Variants in PXDNL observed in about 807,000 individuals in gnomAD.
The protein encoded by PXDNL is probable oxidoreductase PXDNL.
PXDNL carries 145 observed loss-of-function variants against 150.8 expected under a neutral mutation model. The observed-to-expected ratio is 0.96, with a 90% CI of 0.84 to 1.10. PXDNL has a LOEUF of 1.10. PXDNL is among the 50% of genes least tolerant of loss of function. The pLI is 0.00. For missense variants in PXDNL, 2,087 were observed against 1,873.9 expected, an observed-to-expected ratio of 1.11 and a Z score of -2.10; for synonymous variants, 757 against 725.7, an observed-to-expected ratio of 1.04 and a Z score of -0.69.
intron 1 of PXDNL, among the ~76,000 whole-genome samples, chr8:51,772,499 C>T (rs2129243268): frequency 6.6e-6 from 1 of 152,284 alleles, no homozygotes; most frequent in Admixed American, 6.5e-5. Context: ...CTACTGTGGT[C>T]ATCAGCAAGC....
In PXDNL at chr8:51,809,225, C is replaced by CA; in HGVS notation, c.119dup (p.Leu40PhefsTer21). 5.0e-6 allele frequency: 8 copies of CA among 1,613,554 alleles called. No homozygotes were observed. The highest frequency in any genetic ancestry group is 6.8e-6 in the Non-Finnish European group (8 of 1,179,754). The stretch of plus-strand genomic sequence containing the variant: ...GTACCTGAGGAATGTGGTCCAGCAT[C>CA]AAGTGCATGCAGCGGACGGTGCTCT... On this transcript the variant is annotated frameshift_variant, in exon 1 of 23. Coordinates refer to ENST00000356297, the MANE Select transcript of PXDNL (RefSeq NM_144651.5). LOFTEE classifies it high-confidence loss of function.
chr8:51,545,134 G>A (rs1812328903), intron 4 of PXDNL, among the ~76,000 whole-genome samples: 1 of 152,130 alleles, frequency 6.6e-6, no homozygotes, highest in Admixed American at 6.5e-5. Context: ...TAAATACTAA[G>A]ATTACTCAAT....
chr8:51,372,485 C>T (rs571587781), intron 18 of PXDNL, among the ~76,000 whole-genome samples: 3 of 152,276 alleles, frequency 2.0e-5, no homozygotes, highest in Admixed American at 6.5e-5. Flanking sequence ...CCCGAGTTCA[C>T]GCAACTCTCC....
At chr8:51,494,188 T>A (rs1431933817) in intron 5 of PXDNL, among the ~76,000 whole-genome samples, 1 of 152,078 alleles carries the variant, frequency 6.6e-6, no homozygotes, top group Non-Finnish European at 1.5e-5. Context: ...CTAAGCTTCA[T>A]AACTGAAGGA....
rs970197511 is a variant in PXDNL at position 51,612,747 on chromosome 8, C to G, written c.237-20049G>C. Among the ~76,000 whole-genome samples, 14 of 152,322 alleles carry G rather than the reference C, an allele frequency of 9.2e-5. No homozygotes were observed. In the East Asian group the frequency reaches 2.3e-3, roughly 25 times the overall value. On this transcript the variant is annotated intron_variant, in intron 2 of 22. Coordinates refer to ENST00000356297, the MANE Select transcript of PXDNL (RefSeq NM_144651.5). ...TGGAAGAGCCCTCGCCAGCCCCTGGCCATGCTGGTGCCCTGACGCAGGATT... is the reference window on the plus strand; with the variant it reads ...TGGAAGAGCCCTCGCCAGCCCCTGGGCATGCTGGTGCCCTGACGCAGGATT...
chr8:51,735,326 A>AG (rs1177491026), intron 1 of PXDNL, among the ~76,000 whole-genome samples: 1 of 151,444 alleles, frequency 6.6e-6, no homozygotes, highest in Non-Finnish European at 1.5e-5. Flanking sequence ...ACTAAAAAAA[A>AG]AGACAAAAAT....
intron 3 of PXDNL, among the ~76,000 whole-genome samples, chr8:51,578,130 GA>G (rs1226745645): frequency 7.7e-6 from 1 of 130,256 alleles, no homozygotes; most frequent in Non-Finnish European, 1.5e-5. Context: ...AGGAAAGAAA[GA>G]AAGAGTGAGA....
chr8:51,334,571 G>A (rs1002322480), intron 21 of PXDNL, among the ~76,000 whole-genome samples: 2 of 152,140 alleles, frequency 1.3e-5, no homozygotes, highest in Non-Finnish European at 2.9e-5. Context: ...TAGACCATTA[G>A]CAAGATTAAC....
intron 2 of PXDNL, among the ~76,000 whole-genome samples, chr8:51,614,294 G>A (rs1370906910): frequency 6.6e-5 from 10 of 152,136 alleles, no homozygotes; most frequent in Non-Finnish European, 1.0e-4. Flanking sequence ...TTGGCCTAAA[G>A]GTTTCTTCGT....
At position 51,696,870 on chromosome 8, in the gene PXDNL, T is replaced by C. The variant is rs144950297; in HGVS notation, c.165-42110A>G. On this transcript the variant is annotated intron_variant, in intron 1 of 22. Coordinates refer to ENST00000356297, the MANE Select transcript of PXDNL (RefSeq NM_144651.5). ...TGACACACACACAGGTCCACACACA[T>C]GTGCACACACACATTCTACTCTGCA... Among the ~76,000 whole-genome samples, 107 of 15,536 alleles carry C rather than the reference T, an allele frequency of 6.9e-3. 1 individual carries two copies. Among genetic ancestry groups the C allele is most frequent in the East Asian group, 0.011 (5 of 446 alleles). 10.2% of individuals were successfully genotyped at this position (15,536 alleles called of 152,430 possible). A position where few individuals can be genotyped will look rare whatever the true frequency, so the allele number is the denominator to read the frequency against.
intron 1 of PXDNL, among the ~76,000 whole-genome samples, chr8:51,782,057 G>T (rs934148416): frequency 6.6e-6 from 1 of 152,076 alleles, no homozygotes; most frequent in Admixed American, 6.5e-5. Context: ...ACAGTAGGGT[G>T]GCTGTTCTCT....
chr8:51,801,774 C>T (rs895654598), intron 1 of PXDNL, among the ~76,000 whole-genome samples: 1 of 152,174 alleles, frequency 6.6e-6, no homozygotes, highest in South Asian at 2.1e-4. Context: ...TGTGGCTGGA[C>T]TGGTAGGCAC....
chr8:51,490,441 G>A (rs568818397), intron 5 of PXDNL, among the ~76,000 whole-genome samples: 45 of 152,060 alleles, frequency 3.0e-4, no homozygotes, highest in African/African-American at 1.1e-3. Flanking sequence ...AGCTAACAGA[G>A]TGAAGATGTA....
chr8:51,534,352 TGG>T (rs749660529), intron 4 of PXDNL, among the ~76,000 whole-genome samples: 2 of 123,468 alleles, frequency 1.6e-5, no homozygotes, highest in Non-Finnish European at 3.4e-5. Context: ...GGGAGGGAGG[TGG>T]GGGGGGGTCA....
At chr8:51,648,000 C>T (rs1029979586) in intron 2 of PXDNL, among the ~76,000 whole-genome samples, 6 of 151,976 alleles carry the variant, frequency 3.9e-5, no homozygotes, top group African/African-American at 7.2e-5. Flanking sequence ...CTTCATATAA[C>T]GTTTGCTTTT....
At chr8:51,575,207 T>C (rs1284122486) in intron 3 of PXDNL, among the ~76,000 whole-genome samples, 5 of 151,928 alleles carry the variant, frequency 3.3e-5, no homozygotes, top group Non-Finnish European at 7.4e-5. Flanking sequence ...ATAAATTATG[T>C]ATATGTATTT....
intron 17 of PXDNL, among the ~76,000 whole-genome samples, chr8:51,390,889 T>TC (rs1237870309): frequency 1.3e-5 from 2 of 152,038 alleles, no homozygotes; most frequent in Admixed American, 6.5e-5. Context: ...ATGCTATCCC[T>TC]CCCCCCTCCT....
intron 5 of PXDNL, among the ~76,000 whole-genome samples, chr8:51,486,553 T>C (rs1810741271): frequency 6.6e-6 from 1 of 151,782 alleles, no homozygotes; most frequent in Non-Finnish European, 1.5e-5. Context: ...AGTAGTACTG[T>C]TCCAGCAGTA....
rs115233573 is a variant in PXDNL, at chr8:51,610,791, G to A, written c.237-18093C>T. ...TGGAGAACTGCAGCCCTCAGCTGCT[G>A]CTGGACACATTTCTCCATAGGCATC... On this transcript the variant is annotated intron_variant, in intron 2 of 22. Coordinates refer to ENST00000356297, the MANE Select transcript of PXDNL (RefSeq NM_144651.5). Among the ~76,000 whole-genome samples, 112 of 152,302 alleles carry A rather than the reference G, an allele frequency of 7.4e-4. 1 individual carries two copies. The highest frequency in any genetic ancestry group is 2.6e-3 in the African/African-American group (109 of 41,552).
Sources: gnomAD v4.1 joint callset for allele counts (sites outside exome capture counted in the v4.1 genomes callset) on GRCh38, gnomAD v4.1.1 for gene constraint, MANE v1.5 for transcripts, NCBI Gene and HGNC (gene_info 2026-07-23, HGNC 2026-07-21) for gene names.